CANX: variants seen among roughly 807,000 people sequenced by gnomAD.
CANX encodes calnexin.
A neutral mutation model predicts 75.7 loss-of-function variants in CANX; 14 were observed. That is an observed-to-expected ratio of 0.19 (90% CI 0.12 to 0.29). The LOEUF (loss-of-function observed/expected upper bound fraction) is 0.29, where lower values mean the gene tolerates loss of function less well. Ranked by LOEUF, CANX falls within the 10% of genes least tolerant of loss-of-function variation. The pLI is 1.00. For synonymous variants in CANX, 227 were observed against 236.9 expected (o/e 0.96, Z 0.38); for missense variants, 567 against 713.2 (o/e 0.79, Z 2.34).
chr5:179,723,048 TCTGTTATTGTAAGGAG>T (rs1485277445), intron 11 of CANX, 29 bp downstream of exon 11: 35 of 1,579,388 alleles, frequency 2.2e-5, no homozygotes, highest in Non-Finnish European at 2.9e-5. Context: ...TGCATTTGTG[TCTGTTATTGTAAGGAG>T]CTGTTATTTT....
Position 179,705,773 on chromosome 5 carries a change from T to C in CANX, c.92T>C (p.Ile31Thr). ...HDGHDDDVID[I>T]EDDLDDVIEE... ...GGACATGATGATGATGTGATTGATA[T>C]TGAGGATGACCTTGACGATGTCATT... Residue 31 changes from isoleucine to threonine, a missense_variant, in exon 2 of 15, where the codon ATT (isoleucine) becomes ACT (threonine). Coordinates refer to ENST00000247461, the MANE Select transcript of CANX (RefSeq NM_001746.4). 4 of 1,611,162 alleles carry C rather than the reference T, an allele frequency of 2.5e-6. No individual in the cohort carries two copies. Among genetic ancestry groups the C allele is most frequent in the South Asian group, 1.1e-5 (1 of 91,038 alleles).
At chr5:179,700,657 C>T (rs1776674750) in intron 1 of CANX, 1 of 153,404 alleles carries the variant, frequency 6.5e-6, no homozygotes, top group East Asian at 1.9e-4. Flanking sequence ...TCCTTACTCC[C>T]CAGTTCATTT....
Position 179,729,069 on chromosome 5 carries a change from T to A in CANX, c.*425T>A. The A allele has an allele frequency of 4.2e-6, 1 of 237,118 alleles. No homozygotes were observed. 14.7% of individuals were successfully genotyped at this position (237,118 alleles called of 1,614,324 possible). ...TGCAGTTTTTATAATAGATTTTTTT[T>A]AAAGTTTGGTATTGTAAAACATTCA... On this transcript the variant is annotated 3_prime_UTR_variant, in exon 15 of 15. Transcript: ENST00000247461.
At chr5:179,717,131 A>C (rs1240170943) in intron 8 of CANX, among the ~76,000 whole-genome samples, 1 of 152,220 alleles carries the variant, frequency 6.6e-6, no homozygotes, top group Non-Finnish European at 1.5e-5. Context: ...AAGTGAACAA[A>C]GAAATTCTTA....
In CANX at chr5:179,682,351, C is replaced by T. The variant is rs1390166986; in HGVS notation, c.-4+3574C>T. On this transcript the variant is annotated intron_variant, in intron 1 of 14. Coordinates refer to the CANX transcript ENST00000681674. ...CAGCACTTTGGGAGGCTGAGGCAGG[C>T]GGATCATGAGGTCAGGAGATCGAGA... Among the ~76,000 whole-genome samples the T allele has an allele frequency of 3.3e-5, 5 of 151,516 alleles. No homozygotes were observed. The East Asian group carries it at 7.8e-4, about 24-fold the overall frequency.
chr5:179,728,480 C>A, intron 14 of CANX, 111 bp from the exon 15 acceptor site: 1 of 664,388 alleles, frequency 1.5e-6, no homozygotes, highest in Non-Finnish European at 2.7e-6. Context: ...TCATTTTCCT[C>A]ATTTTTTTCC....
Position 179,678,982 on chromosome 5 carries a change from G to A in CANX, c.-4+205G>A, listed in dbSNP as rs1406195442. On this transcript the variant is annotated intron_variant, in intron 1 of 14. Coordinates refer to the CANX transcript ENST00000681674. ...CGAGGCCCAGCTCGGCCTGGCGCGT[G>A]TTGTGGTCCAGCAGGTAGAAGGTGG... 3.9e-6 allele frequency: 6 copies of A among 1,535,832 alleles called. No homozygotes were observed. In the Admixed American group the frequency reaches 5.9e-5, roughly 15 times the overall value.
chr5:179,707,764 A>T (rs1340992411), intron 4 of CANX, among the ~76,000 whole-genome samples: 1 of 151,804 alleles, frequency 6.6e-6, no homozygotes, highest in Non-Finnish European at 1.5e-5. Context: ...TCTAGACAGT[A>T]GTATAATACA....
intron 8 of CANX, among the ~76,000 whole-genome samples, chr5:179,717,022 A>G (rs1006552030): frequency 8.5e-5 from 13 of 152,316 alleles, no homozygotes; most frequent in Middle Eastern, 3.4e-3. Context: ...TAGGGTGCAC[A>G]TTGAAGAGTG....
chr5:179,703,133 G>A (rs555463857), intron 1 of CANX, among the ~76,000 whole-genome samples: 1 of 151,990 alleles, frequency 6.6e-6, no homozygotes, highest in East Asian at 2.0e-4. Flanking sequence ...GGCTGGTCTC[G>A]AATTCCTGAC....
chr5:179,679,269 G>A, intron 1 of CANX: 2 of 1,518,484 alleles, frequency 1.3e-6, no homozygotes, highest in Non-Finnish European at 1.8e-6. Flanking sequence ...GGCGCTGCTG[G>A]GAGACAAGAG....
intron 1 of CANX, among the ~76,000 whole-genome samples, chr5:179,687,131 A>G (rs1349731418): frequency 6.6e-6 from 1 of 150,854 alleles, no homozygotes; most frequent in Non-Finnish European, 1.5e-5. Flanking sequence ...ATGCCCGGCT[A>G]CCGCTCTGTC....
At chr5:179,680,643 AACAG>A (rs1776039898) in intron 1 of CANX, among the ~76,000 whole-genome samples, 1 of 152,102 alleles carries the variant, frequency 6.6e-6, no homozygotes, top group South Asian at 2.1e-4. Flanking sequence ...AAGTCCAGAT[AACAG>A]ACAAGTCCCA....
chr5:179,710,695 A>G (rs1217200488), intron 7 of CANX, among the ~76,000 whole-genome samples: 1 of 143,488 alleles, frequency 7.0e-6, no homozygotes, highest in Non-Finnish European at 1.5e-5. Flanking sequence ...GAGACAGAGC[A>G]AGACTCCATC....
rs1238911462 is a variant in CANX at position 179,722,763 on chromosome 5, T to A, written c.1183-41T>A. On this transcript the variant is annotated intron_variant, in intron 10 of 14. Coordinates refer to ENST00000247461, the MANE Select transcript of CANX (RefSeq NM_001746.4). ...TAGATTCACCATAAACTTTTGTTGA[T>A]CATTATCTGAAATGATTTTCTGAAA... The A allele has an allele frequency of 7.1e-6, 10 of 1,417,556 alleles. No individual in the cohort carries two copies. The East Asian group carries it at 1.1e-4, about 16-fold the overall frequency. The allele number at this position is 1,417,556 out of a possible 1,614,324, so 87.8% of individuals were successfully genotyped here.
upstream of CANX, chr5:179,694,269 G>A: frequency 2.1e-6 from 1 of 483,066 alleles, no homozygotes; most frequent in Non-Finnish European, 3.8e-6. Context: ...GACATGCAGA[G>A]AAGAATGTAA....
At chr5:179,726,157 G>A (rs1005204342) in intron 13 of CANX, among the ~76,000 whole-genome samples, 1 of 151,774 alleles carries the variant, frequency 6.6e-6, no homozygotes, top group Admixed American at 6.6e-5. Flanking sequence ...GCGTGGTGGT[G>A]GGCACCTGTA....
intron 1 of CANX, among the ~76,000 whole-genome samples, chr5:179,693,145 CAAAAAAAA>C (rs766961125): frequency 1.1e-5 from 1 of 93,004 alleles, no homozygotes; most frequent in Non-Finnish European, 1.9e-5. Context: ...AACTCCGTCT[CAAAAAAAA>C]AAAAAAAAAA....
chr5:179,713,387 A>G (rs1777713142), intron 7 of CANX, among the ~76,000 whole-genome samples: 1 of 152,086 alleles, frequency 6.6e-6, no homozygotes, highest in Non-Finnish European at 1.5e-5. Context: ...TTTTTTTGTT[A>G]TTTCCAAAAG....
Sources: gnomAD v4.1 joint callset for allele counts (sites outside exome capture counted in the v4.1 genomes callset) on GRCh38, gnomAD v4.1.1 for gene constraint, MANE v1.5 for transcripts, NCBI Gene and HGNC (gene_info 2026-07-23, HGNC 2026-07-21) for gene names.